Variants in WAPL observed in about 807,000 individuals in gnomAD.
The protein encoded by WAPL is wings apart-like protein homolog.
A neutral mutation model predicts 121.0 loss-of-function variants in WAPL; 5 were observed. The ratio of observed to expected loss-of-function variants is 0.04; its 90% confidence interval spans 0.02 to 0.09. The LOEUF (loss-of-function observed/expected upper bound fraction) is 0.09. WAPL is among the 10% of genes least tolerant of loss of function. WAPL has a pLI of 1.00. For missense variants in WAPL, 999 were observed against 1,410.8 expected, an observed-to-expected ratio of 0.71 and a Z score of 4.68; for synonymous variants, 480 against 481.5, an observed-to-expected ratio of 1.00 and a Z score of 0.04.
intron 2 of WAPL, among the ~76,000 whole-genome samples, chr10:86,515,110 A>G (rs947953485): frequency 1.2e-4 from 18 of 151,888 alleles, no homozygotes; most frequent in African/African-American, 4.4e-4. Flanking sequence ...AAATACAAAA[A>G]TTAGCAGGGC....
intron 2 of WAPL, 79 bp downstream of exon 2, chr10:86,517,492 T>A (rs918533558): frequency 6.2e-5 from 91 of 1,471,248 alleles, no homozygotes; most frequent in Non-Finnish European, 7.9e-5. Context: ...ACACAATATA[T>A]ATTTTAGAAT....
chr10:86,477,866 G>C (rs983687421), intron 4 of WAPL, among the ~76,000 whole-genome samples: 1 of 151,888 alleles, frequency 6.6e-6, no homozygotes, highest in Non-Finnish European at 1.5e-5. Context: ...GATCACTTGA[G>C]GTCAGGAGTT....
At chr10:86,491,572 C>G (rs1265769862) in intron 4 of WAPL, among the ~76,000 whole-genome samples, 1 of 152,054 alleles carries the variant, frequency 6.6e-6, no homozygotes, top group Non-Finnish European at 1.5e-5. Context: ...TAGAAAAACA[C>G]ATGACTCCAT....
chr10:86,481,382 T>A (rs978006085), intron 4 of WAPL, among the ~76,000 whole-genome samples: 15 of 151,446 alleles, frequency 9.9e-5, no homozygotes, highest in Admixed American at 2.0e-4. Flanking sequence ...AAAAAAAAAA[T>A]TTTTTTTTGA....
At position 86,459,022 on chromosome 10, in the gene WAPL, T is replaced by A; in HGVS notation, c.2624A>T (p.Tyr875Phe). 3 of 1,609,106 alleles carry A rather than the reference T, an allele frequency of 1.9e-6. No homozygotes were observed. The highest frequency in any genetic ancestry group is 2.5e-6 in the Non-Finnish European group (3 of 1,178,002). ...TGAAACAATAAGTTGGGAATCTTTA[T>A]ATGCTATCAAGTAGCTTTGATTTTC... is the stretch of plus-strand genomic sequence containing the variant. ...NPENQSYLIA[Y>F]KDSQLIVSSA... Residue 875 changes from tyrosine (Y) to phenylalanine (F), a missense_variant, in exon 12 of 19, where the codon TAT becomes TTT. This residue lies in a region of WAPL where 118 missense variants were observed against 318.3 expected (regional missense o/e 0.37). Coordinates refer to ENST00000298767, the MANE Select transcript of WAPL (RefSeq NM_015045.5).
chr10:86,454,026 T>C (rs1841069721), intron 12 of WAPL, among the ~76,000 whole-genome samples, 195 bp from the exon 13 acceptor site: 1 of 152,240 alleles, frequency 6.6e-6, no homozygotes, highest in Non-Finnish European at 1.5e-5. Context: ...ACTATCTACA[T>C]TTACCACTAG....
rs1400408110 is a variant in WAPL, at chr10:86,499,997, T to C, written c.1246A>G (p.Ser416Gly). 1 of 1,614,166 alleles carries C rather than the reference T, an allele frequency of 6.2e-7. No homozygotes were observed. The highest frequency in any genetic ancestry group is 8.5e-7 in the Non-Finnish European group (1 of 1,180,026). Residue 416 changes from serine to glycine, a missense_variant, in exon 3 of 19, where the codon AGT becomes GGT. This residue lies in a region of WAPL where 531 missense variants were observed against 563.1 expected (regional missense o/e 0.94). Coordinates refer to ENST00000298767, the MANE Select transcript of WAPL (RefSeq NM_015045.5). ...TSKTTTRFRP[S>G]NTKSKKDVKL... is the part of the protein sequence containing the mutation. ...ACATCCTTTTTGGATTTAGTATTAC[T>C]AGGTCGAAATCTAGTAGTAGTCTTA...
chr10:86,511,164 G>C (rs1036433120), intron 2 of WAPL, among the ~76,000 whole-genome samples: 3 of 152,288 alleles, frequency 2.0e-5, no homozygotes, highest in South Asian at 2.1e-4. Context: ...ACTTAAGCCA[G>C]GTGGCATGCC....
chr10:86,516,362 A>C (rs903792478), intron 2 of WAPL, among the ~76,000 whole-genome samples: 19 of 152,224 alleles, frequency 1.2e-4, no homozygotes, highest in Non-Finnish European at 4.4e-5. Context: ...ATTTTTAGTA[A>C]AACTATGCAA....
At chr10:86,501,149 T>C (rs1842239625) in intron 2 of WAPL, among the ~76,000 whole-genome samples, 1 of 152,216 alleles carries the variant, frequency 6.6e-6, no homozygotes, top group Non-Finnish European at 1.5e-5. Flanking sequence ...AAAAACCTTC[T>C]ACCAGTGTTT....
At chr10:86,483,935 C>T (rs531071306) in intron 4 of WAPL, among the ~76,000 whole-genome samples, 5 of 151,096 alleles carry the variant, frequency 3.3e-5, no homozygotes, top group African/African-American at 7.3e-5. Flanking sequence ...GCCAGACTGG[C>T]CTCAAACTCC....
In WAPL at chr10:86,500,087, C is replaced by A; in HGVS notation, c.1156G>T (p.Ala386Ser). ...TMERSMDEFTASTPADLGEAG... is the reference protein window; with the variant it reads ...TMERSMDEFTSSTPADLGEAG... ...TCTCCCAAATCTGCAGGAGTGGATG[C>A]AGTGAACTCATCCATGCTGCGTTCC... is the stretch of plus-strand genomic sequence containing the variant. The change falls in exon 3 of 19, where the codon GCA becomes TCA. Residue 386 changes from alanine (A) to serine (S), a missense_variant. Ala to Ser is a moderately conservative substitution (Grantham distance 99, BLOSUM62 1). Around this residue, in one of 7 missense-constraint regions of WAPL, gnomAD observed 531 missense variants for 563.1 expected, o/e 0.94. Coordinates refer to ENST00000298767, the MANE Select transcript of WAPL (RefSeq NM_015045.5). 1 of 1,614,132 alleles carries A rather than the reference C, an allele frequency of 6.2e-7. No homozygotes were observed. Among genetic ancestry groups the A allele is most frequent in the Non-Finnish European group, 8.5e-7 (1 of 1,180,024 alleles).
intron 2 of WAPL, among the ~76,000 whole-genome samples, chr10:86,511,554 T>C (rs1842463551): frequency 6.6e-6 from 1 of 152,238 alleles, no homozygotes; most frequent in Admixed American, 6.5e-5. Context: ...ACCTCTGAAC[T>C]GTGCCTTACC....
chr10:86,473,073 C>CA, intron 5 of WAPL, among the ~76,000 whole-genome samples: 1 of 152,004 alleles, frequency 6.6e-6, no homozygotes, highest in East Asian at 1.9e-4. Flanking sequence ...CAACTGCATG[C>CA]AAAAATAGCT....
intron 2 of WAPL, among the ~76,000 whole-genome samples, chr10:86,516,522 AC>A (rs1842559398): frequency 6.6e-6 from 1 of 152,132 alleles, no homozygotes; most frequent in Non-Finnish European, 1.5e-5. Flanking sequence ...CTTTGCCAAG[AC>A]GTCAAGAACT....
At chr10:86,450,467 C>T (rs1236082625) in intron 15 of WAPL, among the ~76,000 whole-genome samples, 2 of 152,180 alleles carry the variant, frequency 1.3e-5, no homozygotes, top group Non-Finnish European at 2.9e-5. Flanking sequence ...AACTCCTGAG[C>T]TCAAACAATC....
chr10:86,449,738 G>A (rs910804635), intron 15 of WAPL, among the ~76,000 whole-genome samples: 1 of 152,134 alleles, frequency 6.6e-6, no homozygotes, highest in Non-Finnish European at 1.5e-5. Flanking sequence ...TCATTTCTAG[G>A]TTCCATTTGA....
intron 17 of WAPL, among the ~76,000 whole-genome samples, chr10:86,438,407 C>A (rs1849379898): frequency 6.6e-6 from 1 of 152,194 alleles, no homozygotes; most frequent in African/African-American, 2.4e-5. Flanking sequence ...GCACGTGCCA[C>A]CATGCCTGGC....
intron 4 of WAPL, chr10:86,488,586 G>GA (rs1841975733): frequency 6.6e-6 from 1 of 152,148 alleles, no homozygotes; most frequent in African/African-American, 2.4e-5. Flanking sequence ...AAAATAGTGG[G>GA]ACACATCAAA....
Sources: gnomAD v4.1 joint callset for allele counts (sites outside exome capture counted in the v4.1 genomes callset) on GRCh38, gnomAD v4.1.1 for gene constraint, gnomAD v4.1.1 regional missense constraint, MANE v1.5 for transcripts, NCBI Gene and HGNC (gene_info 2026-07-23, HGNC 2026-07-21) for gene names.